The following BDH1 variants were observed in gnomAD, a reference collection of about 807,000 sequenced individuals.
BDH1 encodes the protein D-beta-hydroxybutyrate dehydrogenase, mitochondrial.
BDH1 carries 30 observed loss-of-function variants against 33.1 expected under a neutral mutation model. That is an observed-to-expected ratio of 0.91 (90% CI 0.68 to 1.23). The LOEUF (loss-of-function observed/expected upper bound fraction) is 1.23. Ranked by LOEUF, BDH1 falls within the 50% of genes most tolerant of loss-of-function variation. The pLI is 0.00. For missense variants in BDH1, 443 were observed against 464.4 expected (o/e 0.95, Z 0.42); for synonymous variants, 190 against 183.6 (o/e 1.03, Z -0.28).
chr3:197,571,542 G>T (rs531687402), intron 1 of BDH1, among the ~76,000 whole-genome samples: 33 of 152,294 alleles, frequency 2.2e-4, no homozygotes, highest in African/African-American at 7.7e-4. Flanking sequence ...TAGTGAATAA[G>T]TCTCATGAGA....
intron 1 of BDH1, among the ~76,000 whole-genome samples, chr3:197,572,710 C>G (rs1717651195): frequency 6.6e-6 from 1 of 152,010 alleles, no homozygotes; most frequent in African/African-American, 2.4e-5. Flanking sequence ...ACACTCCAGC[C>G]CGGACAACAT....
chr3:197,546,700 G>T (rs1716109041), intron 2 of BDH1, among the ~76,000 whole-genome samples: 1 of 152,150 alleles, frequency 6.6e-6, no homozygotes, highest in Admixed American at 6.5e-5. Flanking sequence ...TGGAAGCCTG[G>T]GTTCTGGCTC....
chr3:197,566,787 T>G (rs1717447607), intron 1 of BDH1, among the ~76,000 whole-genome samples: 1 of 152,238 alleles, frequency 6.6e-6, no homozygotes, highest in African/African-American at 2.4e-5. Context: ...CTAATTTTTC[T>G]TGGCTCCAAG....
rs866757886 is a variant in BDH1 at position 197,554,135 on chromosome 3, T to C, written c.-44+427A>G. Among the ~76,000 whole-genome samples, 61 of 152,342 alleles carry C rather than the reference T, an allele frequency of 4.0e-4. No individual in the cohort carries two copies. In the Middle Eastern group the frequency reaches 0.01, roughly 25 times the overall value. The stretch of plus-strand genomic sequence containing the variant: ...GAGCCTTGCTCATCCTATACCAAAC[T>C]GACTGCATCTGACCAAGTCCTAGCT... On this transcript the variant is annotated intron_variant, in intron 2 of 7. Coordinates refer to ENST00000392379, the MANE Select transcript of BDH1 (RefSeq NM_203314.3). The surrounding 1 kb of genome is among the most constrained non-coding windows in gnomAD (Gnocchi z 4.4).
intron 5 of BDH1, among the ~76,000 whole-genome samples, chr3:197,531,545 T>C (rs1039670377): frequency 2.0e-5 from 3 of 151,568 alleles, no homozygotes; most frequent in African/African-American, 7.3e-5. Flanking sequence ...GCAACATGGA[T>C]GACTCTCAAA....
rs1046733445 is a variant in BDH1 at position 197,568,630 on chromosome 3, G to A, written c.-44+4551C>T. Among the ~76,000 whole-genome samples the A allele has an allele frequency of 3.9e-5, 6 of 151,958 alleles. No individual in the cohort carries two copies. The East Asian group carries it at 9.6e-4, about 24-fold the overall frequency. On this transcript the variant is annotated intron_variant, in intron 1 of 6. Transcript: ENST00000358186. ...CCACTTTCTATCACTTAACTCTTAC[G>A]TATTCATTAATTGAGTGTTTGTTTA...
In BDH1 at chr3:197,522,958, T is replaced by C; in HGVS notation, c.268-177A>G. On this transcript the variant is annotated intron_variant, in intron 5 of 7. Transcript: ENST00000392379. This position sits in a 1 kb window ranked among gnomAD's most constrained non-coding sequence, Gnocchi z 4.8. ...GGTTCTTTTTAATCCTGAGCACTGA[T>C]GACCTATCAAGCATCAAGCTATGTG... The C allele has an allele frequency of 1.6e-6, 1 of 642,842 alleles. No individual in the cohort carries two copies. The highest frequency in any genetic ancestry group is 2.6e-6 in the Non-Finnish European group (1 of 380,192). The allele number at this position is 642,842 out of a possible 1,614,324, so 39.8% of individuals were successfully genotyped here.
At chr3:197,561,992 G>A (rs1357759242) in intron 1 of BDH1, among the ~76,000 whole-genome samples, 1 of 152,170 alleles carries the variant, frequency 6.6e-6, no homozygotes, top group Non-Finnish European at 1.5e-5. Flanking sequence ...ACCCCTTTTG[G>A]AGTGTTGTGT....
At chr3:197,561,344 C>A (rs1156731086) in intron 1 of BDH1, among the ~76,000 whole-genome samples, 2 of 152,250 alleles carry the variant, frequency 1.3e-5, no homozygotes, top group South Asian at 2.1e-4. Flanking sequence ...AACTCCCCCC[C>A]ACCTTTTTTT....
chr3:197,558,642 C>G (rs1013972397), upstream of BDH1, among the ~76,000 whole-genome samples: 3 of 152,336 alleles, frequency 2.0e-5, no homozygotes, highest in African/African-American at 7.2e-5. Context: ...TTAGAACATG[C>G]AGGGAACTCT....
Position 197,532,519 on chromosome 3 carries a change from C to CA in BDH1, c.159dup (p.Gly54TrpfsTer11). The CA allele has an allele frequency of 6.2e-7, 1 of 1,613,634 alleles. No homozygotes were observed. The highest frequency in any genetic ancestry group is 8.5e-7 in the Non-Finnish European group (1 of 1,179,542). On this transcript the variant is annotated frameshift_variant, in exon 5 of 8. Transcript: ENST00000392379. LOFTEE classifies it high-confidence loss of function. ...CCTGTGACCAGGACAGCTTTGCTGCCAACCTGTTTTACAAGGTCAGATTCC... is the reference window on the plus strand; with the variant it reads ...CCTGTGACCAGGACAGCTTTGCTGCCAAACCTGTTTTACAAGGTCAGATTCC...
chr3:197,526,725 T>C lies in BDH1; in HGVS notation c.268-3944A>G, dbSNP rs1042254218. Among the ~76,000 whole-genome samples the C allele has an allele frequency of 6.6e-6, 1 of 152,194 alleles. No individual in the cohort carries two copies. Among genetic ancestry groups the C allele is most frequent in the Admixed American group, 6.5e-5 (1 of 15,278 alleles). On this transcript the variant is annotated intron_variant, in intron 5 of 7. Transcript: ENST00000392379. This position sits in a 1 kb window ranked among gnomAD's most constrained non-coding sequence, Gnocchi z 4.7. ...ACTGTTTCCTGCCCAGGTAGAAGGATAGCCCTCTCCCGACCAGCTCTCCGT... is the reference window on the plus strand; with the variant it reads ...ACTGTTTCCTGCCCAGGTAGAAGGACAGCCCTCTCCCGACCAGCTCTCCGT...
chr3:197,542,156 A>G (rs1049493656), intron 3 of BDH1, among the ~76,000 whole-genome samples: 2 of 152,204 alleles, frequency 1.3e-5, no homozygotes, highest in African/African-American at 2.4e-5. Flanking sequence ...GTGAAGGACT[A>G]TCACAGTATC....
chr3:197,541,798 C>T (rs1460631799), intron 3 of BDH1, among the ~76,000 whole-genome samples: 1 of 152,164 alleles, frequency 6.6e-6, no homozygotes, highest in Non-Finnish European at 1.5e-5. Context: ...CACTGCCCTA[C>T]AGGAAAAGAA....
At chr3:197,562,262 C>T (rs1439404419) in intron 1 of BDH1, among the ~76,000 whole-genome samples, 1 of 152,146 alleles carries the variant, frequency 6.6e-6, no homozygotes, top group East Asian at 1.9e-4. Context: ...TTTAAGGATC[C>T]TAATTCTAGT....
chr3:197,542,272 T>A (rs143774206), intron 3 of BDH1, among the ~76,000 whole-genome samples: 1 of 152,302 alleles, frequency 6.6e-6, no homozygotes, highest in East Asian at 1.9e-4. Flanking sequence ...CTGCTATTCT[T>A]AGTGTGAGGC....
rs750124421 is a variant in BDH1, at chr3:197,514,269, G to A, written c.557C>T (p.Ala186Val). The A allele has an allele frequency of 6.2e-7, 1 of 1,612,470 alleles. No individual in the cohort carries two copies. Among genetic ancestry groups the A allele is most frequent in the South Asian group, 1.1e-5 (1 of 90,870 alleles). The change falls in exon 7 of 8, where the codon GCC (alanine) becomes GTC (valine). Residue 186 changes from alanine (A) to valine (V), a missense_variant. Coordinates refer to ENST00000392379, the MANE Select transcript of BDH1 (RefSeq NM_203314.3). The surrounding 1 kb of genome is among the most constrained non-coding windows in gnomAD (Gnocchi z 4.2). ...GAGCTCCCTTTCCCACTCACCTTTG[G>A]CCCTTCGGATGAGGGGGAGAAAGGA... is the stretch of plus-strand genomic sequence containing the variant. ...TKSFLPLIRR[A>V]KGRVVNISSM... is the part of the protein sequence containing the mutation.
At chr3:197,530,297 T>C (rs1307872442) in intron 5 of BDH1, 1 of 152,148 alleles carries the variant, frequency 6.6e-6, no homozygotes, top group Admixed American at 6.5e-5. Context: ...AATTTGGGAA[T>C]ATCTTTAAAA....
In BDH1 at chr3:197,539,119, G is replaced by A. The variant is rs144473304; in HGVS notation, c.84-5558C>T. On this transcript the variant is annotated intron_variant, in intron 3 of 7. Coordinates refer to ENST00000392379, the MANE Select transcript of BDH1 (RefSeq NM_203314.3). ...TTTGGGAGGAACTTAGTTTACAGTTGTGTTTTTTTGAGATGGAGTTATATT... is the reference window on the plus strand; with the variant it reads ...TTTGGGAGGAACTTAGTTTACAGTTATGTTTTTTTGAGATGGAGTTATATT... Among the ~76,000 whole-genome samples, 95 of 152,276 alleles carry A rather than the reference G, an allele frequency of 6.2e-4. 2 individuals carry two copies. The East Asian group carries it at 0.015, about 24-fold the overall frequency.
Sources: allele counts gnomAD v4.1 joint callset (sites outside exome capture counted in the v4.1 genomes callset), GRCh38; gene constraint gnomAD v4.1.1; non-coding constraint Gnocchi (gnomAD v3.1); transcripts MANE v1.5; gene names NCBI Gene and HGNC (gene_info 2026-07-23, HGNC 2026-07-21).